Variants in TSHZ2 observed in about 807,000 individuals in gnomAD.
TSHZ2 encodes the protein teashirt homolog 2.
Under a neutral mutation model 74.4 loss-of-function variants are expected in TSHZ2, and 21 were observed. The observed-to-expected ratio is 0.28, with a 90% confidence interval of 0.20 to 0.41. TSHZ2 has a LOEUF of 0.41. Ranked by LOEUF, TSHZ2 falls within the 10% of genes least tolerant of loss-of-function variation. The pLI is 1.00. For synonymous variants in TSHZ2, 540 were observed against 515.3 expected (o/e 1.05, Z -0.65); for missense variants, 1,244 against 1,293.5 (o/e 0.96, Z 0.59).
At chr20:53,331,251 T>C (rs1021526618) in intron 2 of TSHZ2, among the ~76,000 whole-genome samples, 1 of 152,172 alleles carries the variant, frequency 6.6e-6, no homozygotes, top group African/African-American at 2.4e-5. Context: ...TTATAAAGCA[T>C]TGTGGTCTGA....
chr20:53,337,741 C>A (rs1600817322), intron 2 of TSHZ2, among the ~76,000 whole-genome samples: 1 of 152,192 alleles, frequency 6.6e-6, no homozygotes, highest in Non-Finnish European at 1.5e-5. Flanking sequence ...CCCTTCCATG[C>A]GTGGCAGCTG....
intron 1 of TSHZ2, among the ~76,000 whole-genome samples, chr20:53,038,904 G>GTTTTGT (rs746921607): frequency 2.3e-4 from 32 of 139,034 alleles, no homozygotes; most frequent in African/African-American, 1.0e-3. Flanking sequence ...TTGTTTGTTT[G>GTTTTGT]TTTGTTTTTG....
intron 2 of TSHZ2, among the ~76,000 whole-genome samples, chr20:53,263,448 G>A (rs528476495): frequency 1.9e-4 from 29 of 152,234 alleles, no homozygotes; most frequent in Middle Eastern, 3.2e-3. Flanking sequence ...TGCCGGCAGG[G>A]GCCGTCACGG....
At chr20:53,046,451 C>T (rs1478444415) in intron 1 of TSHZ2, among the ~76,000 whole-genome samples, 1 of 152,076 alleles carries the variant, frequency 6.6e-6, no homozygotes, top group Non-Finnish European at 1.5e-5. Context: ...GCTGCCTCGC[C>T]TTGAGCAATG....
intron 2 of TSHZ2, among the ~76,000 whole-genome samples, chr20:53,338,860 A>T (rs186158971): frequency 1.7e-3 from 256 of 152,262 alleles, no homozygotes; most frequent in Admixed American, 3.3e-3. Context: ...GGTTTTCATG[A>T]GGGTCAGATG....
intron 1 of TSHZ2, among the ~76,000 whole-genome samples, chr20:53,167,220 G>A (rs773336769): frequency 6.6e-6 from 1 of 152,248 alleles, no homozygotes; most frequent in Admixed American, 6.5e-5. Flanking sequence ...AGTCACATAT[G>A]ACTATGCTGT....
intron 1 of TSHZ2, among the ~76,000 whole-genome samples, chr20:53,007,602 T>A (rs538112197): frequency 6.6e-6 from 1 of 151,994 alleles, no homozygotes; most frequent in South Asian, 2.1e-4. Flanking sequence ...GAAAGAAATG[T>A]GTGTTTGTGT....
intron 2 of TSHZ2, among the ~76,000 whole-genome samples, chr20:53,374,276 A>T (rs911755835): frequency 6.6e-6 from 1 of 152,194 alleles, no homozygotes; most frequent in Non-Finnish European, 1.5e-5. Flanking sequence ...TTCACTTAAG[A>T]TAATGGCCTC....
intron 1 of TSHZ2, among the ~76,000 whole-genome samples, chr20:53,104,246 G>A (rs1018469929): frequency 1.3e-5 from 2 of 152,112 alleles, no homozygotes; most frequent in African/African-American, 4.8e-5. Context: ...AGGCAGACTG[G>A]GGGGTGGGGG....
At chr20:53,032,358 A>G (rs988870460) in intron 1 of TSHZ2, among the ~76,000 whole-genome samples, 2 of 152,236 alleles carry the variant, frequency 1.3e-5, no homozygotes, top group African/African-American at 4.8e-5. Context: ...CTTCAGGAGC[A>G]TATGTACCCA....
chr20:53,107,692 G>A (rs73142259), intron 1 of TSHZ2, among the ~76,000 whole-genome samples: 10,726 of 152,242 alleles, frequency 0.07, 443 homozygotes, highest in Non-Finnish European at 0.1. Context: ...ACACGTGGGT[G>A]CCGCACGTAT....
intron 1 of TSHZ2, among the ~76,000 whole-genome samples, chr20:53,040,021 G>A (rs796649134): frequency 4.1e-4 from 62 of 152,130 alleles, no homozygotes; most frequent in African/African-American, 1.3e-3. Flanking sequence ...CAGGAGAATC[G>A]CTTGAACCCA....
At chr20:53,193,013 A>G (rs1988775345) in intron 1 of TSHZ2, among the ~76,000 whole-genome samples, 1 of 152,172 alleles carries the variant, frequency 6.6e-6, no homozygotes, top group Admixed American at 6.5e-5. Context: ...TAAACACCAC[A>G]GTGGGGACAT....
chr20:53,144,750 C>T (rs901353646), intron 1 of TSHZ2, among the ~76,000 whole-genome samples: 4 of 152,088 alleles, frequency 2.6e-5, no homozygotes, highest in Middle Eastern at 3.4e-3. Flanking sequence ...TACTATGTTC[C>T]TCGTACTATG....
chr20:53,327,140 G>A lies in TSHZ2; in HGVS notation c.*8+70569G>A, dbSNP rs532286860. On this transcript the variant is annotated intron_variant, in intron 2 of 2. Coordinates refer to ENST00000371497, the MANE Select transcript of TSHZ2 (RefSeq NM_173485.6). ...CACACCAAGTACACAGCCCCTGATA[G>A]CGAGACCAAGCTTGACCATCCACAT... Among the ~76,000 whole-genome samples, 12 of 152,312 alleles carry A rather than the reference G, an allele frequency of 7.9e-5. 1 individual carries two copies. The South Asian group carries it at 1.7e-3, about 21-fold the overall frequency.
intron 2 of TSHZ2, among the ~76,000 whole-genome samples, chr20:53,358,182 C>A (rs996597965): frequency 1.3e-5 from 2 of 151,852 alleles, no homozygotes; most frequent in Non-Finnish European, 2.9e-5. Context: ...TGTAATTTCC[C>A]AGTTTTAGCC....
chr20:53,481,920 A>G (rs112835386), intron 2 of TSHZ2, among the ~76,000 whole-genome samples: 1,728 of 152,144 alleles, frequency 0.011, 40 homozygotes, highest in African/African-American at 0.04. Flanking sequence ...CCTGACCAAC[A>G]TGGAGAAAGC....
chr20:53,222,026 G>T (rs1021428895), intron 1 of TSHZ2, among the ~76,000 whole-genome samples: 3 of 152,124 alleles, frequency 2.0e-5, no homozygotes, highest in Non-Finnish European at 4.4e-5. Flanking sequence ...TATTTTAAGG[G>T]ATACATGTCC....
chr20:52,973,155 A>T lies in TSHZ2; in HGVS notation c.-139A>T. On this transcript the variant is annotated 5_prime_UTR_variant, in exon 1 of 3. Coordinates refer to ENST00000371497, the MANE Select transcript of TSHZ2 (RefSeq NM_173485.6). ...TGGAGGAGTTGCAGGGGGGATCGTC[A>T]GGGGGACAGAGGCCGAGTGACGTCC... The T allele has an allele frequency of 9.1e-7, 1 of 1,099,004 alleles. No homozygotes were observed. The highest frequency in any genetic ancestry group is 1.3e-6 in the Non-Finnish European group (1 of 767,156). The allele number at this position is 1,099,004 out of a possible 1,614,324, so 68.1% of individuals were successfully genotyped here. A position where few individuals can be genotyped will look rare whatever the true frequency, so the allele number is the denominator to read the frequency against.
Sources: allele counts gnomAD v4.1 joint callset (sites outside exome capture counted in the v4.1 genomes callset), GRCh38; gene constraint gnomAD v4.1.1; transcripts MANE v1.5; gene names NCBI Gene and HGNC (gene_info 2026-07-23, HGNC 2026-07-21).